Variants in ZFP64 observed in about 807,000 individuals in gnomAD.
The protein encoded by ZFP64 is zinc finger protein 64.
Under a neutral mutation model 51.6 loss-of-function variants are expected in ZFP64, and 14 were observed. The observed-to-expected ratio is 0.27, with a 90% CI of 0.18 to 0.42. The LOEUF (loss-of-function observed/expected upper bound fraction) is 0.42. ZFP64 is among the 10% of genes least tolerant of loss of function. The pLI is 1.00. For missense variants in ZFP64, 754 were observed against 906.8 expected (o/e 0.83, Z 2.16); for synonymous variants, 375 against 361.4 (o/e 1.04, Z -0.43).
intron 2 of ZFP64, among the ~76,000 whole-genome samples, chr20:52,181,984 C>G (rs1600816364): frequency 6.6e-6 from 1 of 152,288 alleles, no homozygotes; most frequent in East Asian, 1.9e-4. Flanking sequence ...CAGACGGAGA[C>G]AACGCAAGCT....
rs1187286173 is a variant in ZFP64 at position 52,153,699 on chromosome 20, A to T, written c.764-271T>A. Among the ~76,000 whole-genome samples the T allele has an allele frequency of 2.0e-5, 3 of 152,220 alleles. No individual in the cohort carries two copies. Among genetic ancestry groups the T allele is most frequent in the African/African-American group, 7.2e-5 (3 of 41,450 alleles). ...TTGTCCCAGATAAAATAAGATTTAC[A>T]AGTATACTTGTTATATTCTTTAAAA... On this transcript the variant is annotated intron_variant, in intron 5 of 5. Coordinates refer to ENST00000216923, the MANE Select transcript of ZFP64 (RefSeq NM_018197.3). The surrounding 1 kb of genome is among the most constrained non-coding windows in gnomAD (Gnocchi z 5.1).
At chr20:52,089,846 A>C (rs2078904056) in intron 7 of ZFP64, among the ~76,000 whole-genome samples, 1 of 152,094 alleles carries the variant, frequency 6.6e-6, no homozygotes, top group African/African-American at 2.4e-5. Flanking sequence ...ATTCAAATGT[A>C]ATGTTGGTAA....
intron 5 of ZFP64, chr20:52,111,127 G>A (rs909703020): frequency 3.9e-6 from 3 of 771,026 alleles, no homozygotes; most frequent in African/African-American, 1.7e-5. Context: ...CACGGCGGCA[G>A]CCACATCGCC....
Position 52,153,567 on chromosome 20 carries a change from C to T in ZFP64, c.764-139G>A. ...AACTGCAGCTTCTAGCAGCCCCTGG[C>T]AGTGGGGGAAGAGGGGCAGGGCGTC... On this transcript the variant is annotated intron_variant, in intron 5 of 5. Coordinates refer to ENST00000216923, the MANE Select transcript of ZFP64 (RefSeq NM_018197.3). This position sits in a 1 kb window ranked among gnomAD's most constrained non-coding sequence, Gnocchi z 5.1. 7.6e-7 allele frequency: 1 copy of T among 1,314,266 alleles called. No homozygotes were observed. The highest frequency in any genetic ancestry group is 1.0e-6 in the Non-Finnish European group (1 of 994,044). The allele number at this position is 1,314,266 out of a possible 1,614,324, so 81.4% of individuals were successfully genotyped here. A position where few individuals can be genotyped will look rare whatever the true frequency, so the allele number is the denominator to read the frequency against.
chr20:52,164,752 G>C lies in ZFP64; in HGVS notation c.454C>G (p.Gln152Glu). Reference protein sequence around the residue: ...KRLNCCYPGCQFKTAYGMKDM... With the variant: ...KRLNCCYPGCEFKTAYGMKDM... The stretch of plus-strand genomic sequence containing the variant: ...TTCATGCCATAAGCAGTCTTGAATT[G>C]GCAACCTAAAAAAAAAAAGGAAAGA... The change falls in exon 4 of 6, where the codon CAA becomes GAA. Residue 152 changes from glutamine (Q) to glutamate (E), a missense_variant. Gln to Glu is a conservative substitution (Grantham distance 29, BLOSUM62 2). Transcript: ENST00000216923. 1 of 1,601,784 alleles carries C rather than the reference G, an allele frequency of 6.2e-7. No homozygotes were observed. Among genetic ancestry groups the C allele is most frequent in the Non-Finnish European group, 8.5e-7 (1 of 1,175,764 alleles).
At chr20:52,123,496 C>T (rs1979295262) in intron 5 of ZFP64, among the ~76,000 whole-genome samples, 1 of 152,188 alleles carries the variant, frequency 6.6e-6, no homozygotes, top group South Asian at 2.1e-4. Flanking sequence ...CAGCAGCCAT[C>T]GACCTCCAGG....
intron 5 of ZFP64, among the ~76,000 whole-genome samples, chr20:52,113,419 A>ATTT (rs1447542339): frequency 4.5e-5 from 6 of 133,852 alleles, no homozygotes; most frequent in South Asian, 2.2e-4. Context: ...CTTGCCAGGA[A>ATTT]TTCTTTTTTT....
intron 4 of ZFP64, among the ~76,000 whole-genome samples, chr20:52,163,189 C>T (rs1363954089): frequency 1.3e-5 from 2 of 152,046 alleles, no homozygotes; most frequent in Admixed American, 6.5e-5. Context: ...GGAGAAACCT[C>T]GTCTCTACTA....
chr20:52,100,106 G>A (rs2122763707), intron 5 of ZFP64, among the ~76,000 whole-genome samples: 1 of 152,288 alleles, frequency 6.6e-6, no homozygotes, highest in Admixed American at 6.5e-5. Context: ...CCATTCTCCT[G>A]CTTCAGTCTC....
chr20:52,175,875 C>CCCCCAAAAA, intron 2 of ZFP64: 5 of 965,612 alleles, frequency 5.2e-6, no homozygotes, highest in Non-Finnish European at 6.2e-6. Flanking sequence ...CCCCCGCCCC[C>CCCCCAAAAA]AAAATAATTC....
At chr20:52,101,335 T>A (rs1167604351) in intron 5 of ZFP64, among the ~76,000 whole-genome samples, 1 of 151,720 alleles carries the variant, frequency 6.6e-6, no homozygotes, top group Non-Finnish European at 1.5e-5. Flanking sequence ...GGAGGAGGGG[T>A]GGTAGTGTGG....
chr20:52,093,059 G>A (rs1055283568), intron 7 of ZFP64, among the ~76,000 whole-genome samples: 1 of 152,008 alleles, frequency 6.6e-6, no homozygotes, highest in Non-Finnish European at 1.5e-5. Context: ...GACAAGAATT[G>A]TTGTCAAGGG....
chr20:52,084,572 G>A, exon 9 of ZFP64: 1 of 1,612,954 alleles, frequency 6.2e-7, no homozygotes, highest in Non-Finnish European at 8.5e-7. Flanking sequence ...GGTCTTGGCT[G>A]GGCTCTAGGG....
intron 5 of ZFP64, among the ~76,000 whole-genome samples, chr20:52,143,093 CATA>C (rs1259620380): frequency 1.4e-5 from 2 of 142,436 alleles, no homozygotes; most frequent in Non-Finnish European, 3.1e-5. Flanking sequence ...TTTTTAAAGT[CATA>C]ATGCTATTGT....
chr20:52,130,364 C>G (rs1389560837), intron 5 of ZFP64, among the ~76,000 whole-genome samples: 2 of 152,118 alleles, frequency 1.3e-5, no homozygotes, highest in Non-Finnish European at 2.9e-5. Context: ...CAGGAATGTT[C>G]CACCATACCC....
At chr20:52,088,377 T>C (rs566185172) in intron 8 of ZFP64, 2 of 1,611,112 alleles carry the variant, frequency 1.2e-6, no homozygotes, top group African/African-American at 1.3e-5. Flanking sequence ...TGAGGTTTCC[T>C]GGTCAGGGAC....
chr20:52,099,496 G>T (rs995483461), intron 5 of ZFP64, among the ~76,000 whole-genome samples: 1 of 152,140 alleles, frequency 6.6e-6, no homozygotes, highest in Non-Finnish European at 1.5e-5. Context: ...GACTTGAGGT[G>T]GTCGACAATA....
Position 52,096,412 on chromosome 20 carries a change from A to C in ZFP64, c.976+961T>G, listed in dbSNP as rs141550173. ...CTAAGCCAAGTGTTCAGGATGGCAG[A>C]GCCATTGGACCAGCTGTGGACTCTA... On this transcript the variant is annotated intron_variant, in intron 7 of 8. Coordinates refer to the ZFP64 transcript ENST00000361387. Among the ~76,000 whole-genome samples, 390 of 152,364 alleles carry C rather than the reference A, an allele frequency of 2.6e-3. 2 individuals carry two copies. The highest frequency in any genetic ancestry group is 8.7e-3 in the African/African-American group (361 of 41,578).
At chr20:52,154,934 C>T (rs1981180977) in intron 5 of ZFP64, among the ~76,000 whole-genome samples, 1 of 152,130 alleles carries the variant, frequency 6.6e-6, no homozygotes, top group South Asian at 2.1e-4. Context: ...CGTTTGCTGC[C>T]TGAGAATGTT....
Sources: gnomAD v4.1 joint callset for allele counts (sites outside exome capture counted in the v4.1 genomes callset) on GRCh38, gnomAD v4.1.1 for gene constraint, Gnocchi (gnomAD v3.1) non-coding constraint, MANE v1.5 for transcripts, NCBI Gene and HGNC (gene_info 2026-07-23, HGNC 2026-07-21) for gene names.